CSMD1: variants seen among roughly 807,000 people sequenced by gnomAD.
CSMD1 encodes CUB and Sushi multiple domains 1.
CSMD1 carries 213 observed loss-of-function variants against 417.5 expected under a neutral mutation model. The observed-to-expected ratio is 0.51, with a 90% CI of 0.46 to 0.57. The LOEUF is 0.57. Ranked by LOEUF, CSMD1 falls within the 20% of genes least tolerant of loss-of-function variation. The probability of loss-of-function intolerance (pLI) is 0.00; values close to 1 mark genes in which losing one functional copy is unlikely to be tolerated. For synonymous variants in CSMD1, 2,862 were observed against 1,736.8 expected (o/e 1.65, Z -16.11); for missense variants, 6,923 against 4,529.7 (o/e 1.53, Z -15.17).
intron 7 of CSMD1, among the ~76,000 whole-genome samples, chr8:3,704,457 A>G (rs944264120): frequency 6.6e-6 from 1 of 152,184 alleles, no homozygotes; most frequent in African/African-American, 2.4e-5. Flanking sequence ...TTGCCTAGGG[A>G]CATAACCACA....
At chr8:4,344,436 C>G (rs941108641) in intron 3 of CSMD1, among the ~76,000 whole-genome samples, 2 of 152,018 alleles carry the variant, frequency 1.3e-5, no homozygotes, top group African/African-American at 4.8e-5. Flanking sequence ...TATTTTAAAA[C>G]TGAACTGCTC....
intron 8 of CSMD1, among the ~76,000 whole-genome samples, chr8:3,594,598 G>T (rs142225330): frequency 4.6e-5 from 7 of 152,100 alleles, no homozygotes; most frequent in African/African-American, 1.4e-4. Flanking sequence ...GAAGTTGCAC[G>T]GTGTCCTTCC....
chr8:3,204,657 T>C (rs1378033475), intron 31 of CSMD1, among the ~76,000 whole-genome samples: 1 of 152,174 alleles, frequency 6.6e-6, no homozygotes, highest in Non-Finnish European at 1.5e-5. Context: ...ATCAAATATC[T>C]TTCTTGTCAC....
intron 5 of CSMD1, among the ~76,000 whole-genome samples, chr8:3,948,650 C>T (rs1489941546): frequency 6.6e-6 from 1 of 152,130 alleles, no homozygotes; most frequent in Non-Finnish European, 1.5e-5. Flanking sequence ...AAAAGTACAA[C>T]TTTCCTAAAG....
In CSMD1 at chr8:4,554,327, G is replaced by A. The variant is rs889576844; in HGVS notation, c.302+83015C>T. Among the ~76,000 whole-genome samples the A allele has an allele frequency of 4.6e-5, 7 of 152,162 alleles. No homozygotes were observed. The East Asian group carries it at 7.8e-4, about 17-fold the overall frequency. On this transcript the variant is annotated intron_variant, in intron 2 of 69. Coordinates refer to ENST00000635120, the MANE Select transcript of CSMD1 (RefSeq NM_033225.6). ...AATTTTCATATTTTCAGTAGAGACA[G>A]GGTTTCACCATGTTGCCCACGCTGG...
intron 23 of CSMD1, among the ~76,000 whole-genome samples, chr8:3,327,243 C>G (rs548792054): frequency 6.6e-6 from 1 of 151,910 alleles, no homozygotes; most frequent in Non-Finnish European, 1.5e-5. Context: ...CCCAGGTTCA[C>G]GCCATTCTCC....
chr8:4,966,965 C>T (rs1809908224), intron 1 of CSMD1, among the ~76,000 whole-genome samples: 1 of 152,172 alleles, frequency 6.6e-6, no homozygotes, highest in Admixed American at 6.6e-5. Flanking sequence ...TTGCTTTTTA[C>T]AAATTGCCAT....
intron 3 of CSMD1, among the ~76,000 whole-genome samples, chr8:4,194,990 C>A (rs1467752904): frequency 2.0e-5 from 3 of 151,800 alleles, no homozygotes; most frequent in Admixed American, 1.3e-4. Context: ...TTTCTTTCAT[C>A]TGGGAATTTT....
intron 3 of CSMD1, among the ~76,000 whole-genome samples, chr8:4,097,510 T>G (rs558942885): frequency 6.6e-6 from 1 of 152,210 alleles, no homozygotes; most frequent in Admixed American, 6.5e-5. Context: ...TTGAATGTCT[T>G]GTTGCCCCTG....
chr8:4,657,501 G>C (rs1018132206), intron 1 of CSMD1, among the ~76,000 whole-genome samples: 1 of 151,882 alleles, frequency 6.6e-6, no homozygotes, highest in African/African-American at 2.4e-5. Context: ...TAGTTAAAGG[G>C]ACAAAGGCTT....
chr8:4,104,724 G>A (rs772014329), intron 3 of CSMD1, among the ~76,000 whole-genome samples: 1 of 152,222 alleles, frequency 6.6e-6, no homozygotes, highest in Admixed American at 6.5e-5. Context: ...AGTCCCAAGA[G>A]GAACTAGGTC....
intron 2 of CSMD1, among the ~76,000 whole-genome samples, chr8:4,530,226 T>G (rs1031267327): frequency 2.0e-5 from 3 of 151,542 alleles, no homozygotes; most frequent in African/African-American, 7.3e-5. Context: ...CATTGTTATT[T>G]GTGACTGCAT....
chr8:4,316,950 G>C (rs1798971714), intron 3 of CSMD1, among the ~76,000 whole-genome samples: 1 of 150,022 alleles, frequency 6.7e-6, no homozygotes, highest in Non-Finnish European at 1.5e-5. Flanking sequence ...CCACATGTCA[G>C]ATTCATACGA....
At chr8:4,118,064 A>G (rs926728182) in intron 3 of CSMD1, among the ~76,000 whole-genome samples, 1 of 152,104 alleles carries the variant, frequency 6.6e-6, no homozygotes, top group African/African-American at 2.4e-5. Flanking sequence ...GAAGGGTGTA[A>G]CATCGGCCAT....
chr8:3,772,468 CACATATATAT>C lies in CSMD1; in HGVS notation c.819-18436_819-18427del. On this transcript the variant is annotated intron_variant, in intron 5 of 69. Transcript: ENST00000635120. ...ATATACACATATATATACATATATA[CACATATATAT>C]ACATATATACACATATATACATATA... is the stretch of plus-strand genomic sequence containing the variant. Among the ~76,000 whole-genome samples, 2 of 66,004 alleles carry C rather than the reference CACATATATAT, an allele frequency of 3.0e-5. 1 individual carries two copies. The highest frequency in any genetic ancestry group is 1.1e-4 in the African/African-American group (2 of 18,030). The allele number at this position is 66,004 out of a possible 152,430, so 43.3% of individuals were successfully genotyped here. A position where few individuals can be genotyped will look rare whatever the true frequency, so the allele number is the denominator to read the frequency against.
At chr8:4,467,250 A>G (rs1316535752) in intron 2 of CSMD1, among the ~76,000 whole-genome samples, 1 of 152,182 alleles carries the variant, frequency 6.6e-6, no homozygotes, top group Non-Finnish European at 1.5e-5. Flanking sequence ...ATTCCAGCTA[A>G]GAATCTACTT....
intron 21 of CSMD1, among the ~76,000 whole-genome samples, chr8:3,354,119 A>C (rs1033119654): frequency 2.0e-5 from 3 of 152,352 alleles, no homozygotes; most frequent in South Asian, 4.1e-4. Flanking sequence ...TGGGGACATT[A>C]AATAACTATT....
At chr8:3,417,676 C>A (rs747069177) in intron 12 of CSMD1, among the ~76,000 whole-genome samples, 2 of 152,154 alleles carry the variant, frequency 1.3e-5, no homozygotes, top group African/African-American at 2.4e-5. Flanking sequence ...GTAAAAGCAA[C>A]AGTTTCTTGT....
At chr8:3,776,952 G>A (rs962287319) in intron 5 of CSMD1, among the ~76,000 whole-genome samples, 5 of 151,876 alleles carry the variant, frequency 3.3e-5, no homozygotes, top group African/African-American at 4.8e-5. Flanking sequence ...GATCTCAAGT[G>A]ATTCTCCTAC....
Sources: gnomAD v4.1 joint callset for allele counts (sites outside exome capture counted in the v4.1 genomes callset) on GRCh38, gnomAD v4.1.1 for gene constraint, MANE v1.5 for transcripts, NCBI Gene and HGNC (gene_info 2026-07-23, HGNC 2026-07-21) for gene names.